EPB41L3: variants seen among roughly 807,000 people sequenced by gnomAD.
EPB41L3 encodes the protein erythrocyte membrane protein band 4.1 like 3.
Under a neutral mutation model 127.1 loss-of-function variants are expected in EPB41L3, and 57 were observed. That is an observed-to-expected ratio of 0.45 (90% CI 0.36 to 0.56). The LOEUF (loss-of-function observed/expected upper bound fraction) is 0.56. Ranked by LOEUF, EPB41L3 falls within the 20% of genes least tolerant of loss-of-function variation. The probability of loss-of-function intolerance (pLI) is 0.00; values close to 1 mark genes in which losing one functional copy is unlikely to be tolerated. For synonymous variants in EPB41L3, 572 were observed against 549.5 expected (o/e 1.04, Z -0.57); for missense variants, 1,273 against 1,372.2 (o/e 0.93, Z 1.14).
chr18:5,539,357 G>T (rs894656209), intron 1 of EPB41L3, among the ~76,000 whole-genome samples: 1 of 151,944 alleles, frequency 6.6e-6, no homozygotes, highest in African/African-American at 2.4e-5. Flanking sequence ...CTTTTTCTCT[G>T]TACTGCAAAT....
intron 1 of EPB41L3, among the ~76,000 whole-genome samples, chr18:5,617,519 C>T (rs1049335022): frequency 1.3e-5 from 2 of 152,010 alleles, no homozygotes; most frequent in Non-Finnish European, 2.9e-5. Context: ...GGGGTTTCAC[C>T]GTTTTAGCCG....
At chr18:5,544,342 G>T (rs147433444), upstream of EPB41L3, 8 of 984,900 alleles carry the variant, frequency 8.1e-6, no homozygotes, top group African/African-American at 1.4e-4. Flanking sequence ...GACATCCCCT[G>T]TGAGAAAGGA....
At chr18:5,569,556 G>T (rs1427758313) in intron 3 of EPB41L3, among the ~76,000 whole-genome samples, 1 of 152,160 alleles carries the variant, frequency 6.6e-6, no homozygotes, top group African/African-American at 2.4e-5. Flanking sequence ...CTCCTTAAGG[G>T]CAAATGCCTT....
chr18:5,489,097 C>T lies in EPB41L3; in HGVS notation c.87G>A (p.Ala29=). The change falls in exon 2 of 23, where the codon GCG becomes GCA. Residue 29 remains alanine, a synonymous_variant. Coordinates refer to ENST00000341928, the MANE Select transcript of EPB41L3 (RefSeq NM_012307.5). ...TGGGCGGCTCCGGCACGGGCGCCCC[C>T]GCGCGCCCCTGCGCCCCCGCCGCCT... ...PQEAAGAQGR[A]GAPVPEPPKE... 1 of 1,595,944 alleles carries T rather than the reference C, an allele frequency of 6.3e-7. No homozygotes were observed. The highest frequency in any genetic ancestry group is 1.1e-5 in the South Asian group (1 of 89,876).
At chr18:5,527,941 T>C (rs1339453875) in intron 1 of EPB41L3, among the ~76,000 whole-genome samples, 5 of 152,194 alleles carry the variant, frequency 3.3e-5, no homozygotes, top group Non-Finnish European at 5.9e-5. Context: ...ATCTGACTGT[T>C]AGACAACAAC....
Position 5,617,327 on chromosome 18 carries a change from T to A in EPB41L3, c.-467-2904A>T, listed in dbSNP as rs956269282. ...AGTCATTCTATTATTATTATTTTTTTTTTTTTTTTGAGACGGAGTCTCACT... is the reference window on the plus strand; with the variant it reads ...AGTCATTCTATTATTATTATTTTTTATTTTTTTTTGAGACGGAGTCTCACT... On this transcript the variant is annotated intron_variant, in intron 1 of 21. Transcript: ENST00000545076. Among the ~76,000 whole-genome samples the A allele has an allele frequency of 4.3e-4, 65 of 151,322 alleles. No homozygotes were observed. The South Asian group carries it at 5.0e-3, about 12-fold the overall frequency.
intron 3 of EPB41L3, among the ~76,000 whole-genome samples, chr18:5,450,295 C>T (rs1387401759): frequency 6.6e-6 from 1 of 151,988 alleles, no homozygotes; most frequent in East Asian, 1.9e-4. Context: ...GTCAAAACCC[C>T]CAGGATGAAC....
intron 3 of EPB41L3, among the ~76,000 whole-genome samples, chr18:5,549,365 T>C (rs1239697891): frequency 6.6e-6 from 1 of 152,192 alleles, no homozygotes; most frequent in Non-Finnish European, 1.5e-5. Flanking sequence ...AATATCTTTG[T>C]CCCTTAAAAT....
Position 5,511,191 on chromosome 18 carries a change from G to T in EPB41L3, c.-11-21997C>A, listed in dbSNP as rs1598471617. ...ACAGGCCTCCCACTTCTTCCTGCCT[G>T]CAGTGAAATTCTGGTCAGTTTGATC... On this transcript the variant is annotated intron_variant, in intron 1 of 22. Transcript: ENST00000341928. Among the ~76,000 whole-genome samples, 4 of 152,054 alleles carry T rather than the reference G, an allele frequency of 2.6e-5. No individual in the cohort carries two copies. In the East Asian group the frequency reaches 7.7e-4, roughly 29 times the overall value.
At chr18:5,486,169 A>G (rs2089715050) in intron 2 of EPB41L3, among the ~76,000 whole-genome samples, 1 of 152,068 alleles carries the variant, frequency 6.6e-6, no homozygotes, top group Admixed American at 6.5e-5. Context: ...CAGAATAGAG[A>G]ATCCAGATAT....
intron 3 of EPB41L3, among the ~76,000 whole-genome samples, chr18:5,562,382 G>A (rs1464849124): frequency 6.6e-6 from 1 of 152,160 alleles, no homozygotes; most frequent in Non-Finnish European, 1.5e-5. Flanking sequence ...CTTGTAGGAT[G>A]GTCAGGAGTT....
chr18:5,504,687 G>A (rs899246554), intron 1 of EPB41L3, among the ~76,000 whole-genome samples: 1 of 152,192 alleles, frequency 6.6e-6, no homozygotes, highest in Admixed American at 6.5e-5. Context: ...CCTGGCAGCT[G>A]TGGAATCGAC....
chr18:5,564,403 A>G (rs910684665), intron 3 of EPB41L3, among the ~76,000 whole-genome samples: 4 of 152,200 alleles, frequency 2.6e-5, no homozygotes, highest in African/African-American at 9.6e-5. Context: ...GGATGCTAGC[A>G]AGAAATTAAT....
intron 1 of EPB41L3, among the ~76,000 whole-genome samples, chr18:5,493,153 C>T (rs1285353679): frequency 1.3e-5 from 2 of 152,098 alleles, no homozygotes; most frequent in Non-Finnish European, 2.9e-5. Context: ...TAAATGACTG[C>T]TAAATTAGTT....
chr18:5,473,568 G>A (rs2086567192), intron 3 of EPB41L3, among the ~76,000 whole-genome samples: 1 of 151,258 alleles, frequency 6.6e-6, no homozygotes, highest in African/African-American at 2.4e-5. Flanking sequence ...TAGTCACTAC[G>A]AATACACTGT....
At chr18:5,581,218 G>A (rs1289653607) in intron 3 of EPB41L3, among the ~76,000 whole-genome samples, 1 of 152,150 alleles carries the variant, frequency 6.6e-6, no homozygotes, top group African/African-American at 2.4e-5. Flanking sequence ...ATGAATGATA[G>A]CAATATAATT....
intron 1 of EPB41L3, among the ~76,000 whole-genome samples, chr18:5,500,765 T>C (rs1214575091): frequency 6.6e-6 from 1 of 152,240 alleles, no homozygotes; most frequent in Non-Finnish European, 1.5e-5. Context: ...GAACAGTCTG[T>C]GTTTCTGCAT....
intron 3 of EPB41L3, among the ~76,000 whole-genome samples, chr18:5,554,323 T>C (rs2094004936): frequency 6.6e-6 from 1 of 152,154 alleles, no homozygotes; most frequent in South Asian, 2.1e-4. Context: ...TCTATGTGTG[T>C]TGAATGAAAG....
intron 3 of EPB41L3, among the ~76,000 whole-genome samples, chr18:5,579,779 T>C (rs1226050449): frequency 6.6e-6 from 1 of 152,222 alleles, no homozygotes; most frequent in African/African-American, 2.4e-5. Flanking sequence ...AAGTCTGAGC[T>C]AGGCTAGAAT....
Sources: gnomAD v4.1 joint callset for allele counts (sites outside exome capture counted in the v4.1 genomes callset) on GRCh38, gnomAD v4.1.1 for gene constraint, MANE v1.5 for transcripts, NCBI Gene and HGNC (gene_info 2026-07-23, HGNC 2026-07-21) for gene names.